The following CRB1 variants were observed in gnomAD, a reference collection of about 807,000 sequenced individuals.
CRB1 encodes protein crumbs homolog 1.
Under a neutral mutation model 120.0 loss-of-function variants are expected in CRB1, and 83 were observed. The ratio of observed to expected loss-of-function variants is 0.69; its 90% CI spans 0.58 to 0.83. The LOEUF is 0.83. Among genes scored for constraint, CRB1 ranks in the 40% least tolerant of loss-of-function variants. The probability of loss-of-function intolerance (pLI) is 0.00; values close to 1 mark genes in which losing one functional copy is unlikely to be tolerated. For missense variants in CRB1, 1,699 were observed against 1,687.6 expected (o/e 1.01, Z -0.12); for synonymous variants, 625 against 612.5 (o/e 1.02, Z -0.30).
the CRB1 span, among the ~76,000 whole-genome samples, chr1:197,203,075 C>T: frequency 2.0e-5 from 3 of 151,886 alleles, no homozygotes; most frequent in Non-Finnish European, 4.4e-5. Flanking sequence ...TAAAAATAAA[C>T]GTGTAATTCT....
At chr1:197,310,403 A>C (rs1349845885) in intron 1 of CRB1, among the ~76,000 whole-genome samples, 2 of 152,224 alleles carry the variant, frequency 1.3e-5, no homozygotes, top group African/African-American at 4.8e-5. Context: ...TCTGGGCTGG[A>C]GACTCAGCAT....
At chr1:197,441,978 T>C (rs1316642223) in intron 10 of CRB1, 188 bp from the exon 11 acceptor site, 1 of 675,748 alleles carries the variant, frequency 1.5e-6, no homozygotes, top group Non-Finnish European at 2.6e-6. Context: ...ATTATTTCCA[T>C]TAAACCCCAA....
At chr1:197,282,419 C>G (rs1655574268) in intron 1 of CRB1, among the ~76,000 whole-genome samples, 1 of 151,714 alleles carries the variant, frequency 6.6e-6, no homozygotes, top group Non-Finnish European at 1.5e-5. Context: ...TCCAGTAACT[C>G]TTCTAGGAGA....
chr1:197,354,140 G>C (rs1284863715), intron 4 of CRB1, among the ~76,000 whole-genome samples: 1 of 152,062 alleles, frequency 6.6e-6, no homozygotes, highest in Admixed American at 6.6e-5. Context: ...TATATATTTG[G>C]TGATAGCAAA....
chr1:197,383,540 T>C lies in CRB1; in HGVS notation c.1171+26527T>C, dbSNP rs555673255. On this transcript the variant is annotated intron_variant, in intron 5 of 11. Coordinates refer to ENST00000367400, the MANE Select transcript of CRB1 (RefSeq NM_201253.3). ...TCTTTGTTGAATTCTCAAATGTCCC[T>C]TATACAAAGACCCTTTTCAGAAATT... Among the ~76,000 whole-genome samples the C allele has an allele frequency of 2.4e-3, 369 of 152,322 alleles. 5 individuals carry two copies. Among genetic ancestry groups the C allele is most frequent in the African/African-American group, 8.2e-3 (343 of 41,582 alleles).
chr1:197,225,221 A>G, the CRB1 span, among the ~76,000 whole-genome samples: 1 of 151,932 alleles, frequency 6.6e-6, no homozygotes, highest in Non-Finnish European at 1.5e-5. Context: ...TTCTACAGCT[A>G]TGTTAACCTT....
At chr1:197,410,611 T>C (rs2125449877) in intron 5 of CRB1, among the ~76,000 whole-genome samples, 1 of 152,352 alleles carries the variant, frequency 6.6e-6, no homozygotes, top group East Asian at 1.9e-4. Flanking sequence ...TCTTCCCTTT[T>C]TACAGATTTT....
intron 5 of CRB1, among the ~76,000 whole-genome samples, chr1:197,405,340 G>A (rs1436098300): frequency 1.3e-5 from 2 of 152,098 alleles, no homozygotes; most frequent in Admixed American, 1.3e-4. Context: ...GGCCTCCCGA[G>A]GTGCCGGGAT....
intron 11 of CRB1, among the ~76,000 whole-genome samples, chr1:197,472,300 G>A (rs951711713): frequency 6.6e-6 from 1 of 152,150 alleles, no homozygotes; most frequent in Non-Finnish European, 1.5e-5. Flanking sequence ...TTCCAGTGTG[G>A]TGTTTTCCAG....
the CRB1 span, among the ~76,000 whole-genome samples, chr1:197,260,581 TAAAG>T: frequency 5.3e-5 from 8 of 151,574 alleles, no homozygotes; most frequent in African/African-American, 7.3e-5. Flanking sequence ...ATCAAATAGA[TAAAG>T]AAAAACTATA....
At chr1:197,300,919 T>A (rs1656824757) in intron 1 of CRB1, among the ~76,000 whole-genome samples, 1 of 152,144 alleles carries the variant, frequency 6.6e-6, no homozygotes, top group South Asian at 2.1e-4. Flanking sequence ...AAATCTACTA[T>A]GTCTGTGCTC....
intron 1 of CRB1, among the ~76,000 whole-genome samples, chr1:197,310,260 C>T (rs916487639): frequency 6.6e-6 from 1 of 152,290 alleles, no homozygotes; most frequent in African/African-American, 2.4e-5. Flanking sequence ...TGAGAAGCCT[C>T]ACTGGGTTGG....
the CRB1 span, among the ~76,000 whole-genome samples, chr1:197,252,397 A>G: frequency 4.0e-5 from 6 of 150,232 alleles, no homozygotes; most frequent in Non-Finnish European, 5.9e-5. Flanking sequence ...CATGCCCTAT[A>G]TGGCTATAAT....
In CRB1 at chr1:197,278,384, A is replaced by G. The variant is rs78861777; in HGVS notation, c.70+9902A>G. 7.1e-3 allele frequency among the ~76,000 whole-genome samples: 1,083 copies of G among 152,102 alleles called. 9 individuals carry two copies. The highest frequency in any genetic ancestry group is 0.014 in the Middle Eastern group (4 of 294). ...TTCCAGTCTCCAAAACAAGAACAAC[A>G]ACAAAAATTCTCTTGTTTATAAAGC... On this transcript the variant is annotated intron_variant, in intron 1 of 11. Coordinates refer to ENST00000367400, the MANE Select transcript of CRB1 (RefSeq NM_201253.3).
intron 5 of CRB1, among the ~76,000 whole-genome samples, chr1:197,384,010 G>C (rs999121895): frequency 2.6e-5 from 4 of 152,188 alleles, no homozygotes; most frequent in Non-Finnish European, 4.4e-5. Context: ...CCTTGGGCCA[G>C]ATTTTGCTCT....
the CRB1 span, among the ~76,000 whole-genome samples, chr1:197,231,103 G>A: frequency 1.3e-5 from 2 of 152,130 alleles, no homozygotes; most frequent in Non-Finnish European, 2.9e-5. Flanking sequence ...ACAATTTGGA[G>A]TTGGTTCTTG....
intron 9 of CRB1, chr1:197,438,143 G>A: frequency 4.0e-6 from 1 of 251,468 alleles, no homozygotes; most frequent in Non-Finnish European, 7.8e-6. Context: ...TCACATGAGT[G>A]CTTGGGTAGT....
the CRB1 span, among the ~76,000 whole-genome samples, chr1:197,217,877 A>C: frequency 6.6e-6 from 1 of 152,204 alleles, no homozygotes. Context: ...TTATGTAATA[A>C]TTTTTATGTG....
intron 1 of CRB1, among the ~76,000 whole-genome samples, chr1:197,306,399 T>C (rs1470895837): frequency 1.3e-5 from 2 of 152,190 alleles, no homozygotes; most frequent in Non-Finnish European, 1.5e-5. Context: ...TTTTTGATAT[T>C]GAAGGCAGAT....
Sources: gnomAD v4.1 joint callset for allele counts (sites outside exome capture counted in the v4.1 genomes callset) on GRCh38, gnomAD v4.1.1 for gene constraint, MANE v1.5 for transcripts, NCBI Gene and HGNC (gene_info 2026-07-23, HGNC 2026-07-21) for gene names.